NRG1: variants seen among roughly 807,000 people sequenced by gnomAD.
NRG1 encodes neuregulin 1.
In NRG1, 18 loss-of-function variants were observed where a neutral mutation model predicts 63.8. That is an observed-to-expected ratio of 0.28 (90% CI 0.19 to 0.42). The LOEUF (loss-of-function observed/expected upper bound fraction) is 0.42. NRG1 is among the 10% of genes least tolerant of loss of function. The pLI is 1.00. For missense variants in NRG1, 762 were observed against 814.7 expected (o/e 0.94, Z 0.79); for synonymous variants, 302 against 301.3 (o/e 1.00, Z -0.02).
chr8:32,089,283 C>A (rs1167536540), intron 1 of NRG1, among the ~76,000 whole-genome samples: 1 of 152,192 alleles, frequency 6.6e-6, no homozygotes. Context: ...TTGGCAATGG[C>A]AAGAGTAAAC....
At chr8:31,713,605 G>C (rs1035558476) in intron 1 of NRG1, among the ~76,000 whole-genome samples, 4 of 151,960 alleles carry the variant, frequency 2.6e-5, no homozygotes, top group African/African-American at 9.7e-5. Context: ...TCAGACCTTT[G>C]CCCTATTGAC....
At chr8:32,211,417 T>C (rs940124198) in intron 1 of NRG1, among the ~76,000 whole-genome samples, 4 of 152,218 alleles carry the variant, frequency 2.6e-5, no homozygotes, top group African/African-American at 9.6e-5. Flanking sequence ...TGACATGTGT[T>C]GGAATCTCAA....
At chr8:32,752,428 T>G (rs979131998) in intron 7 of NRG1, among the ~76,000 whole-genome samples, 4 of 152,184 alleles carry the variant, frequency 2.6e-5, no homozygotes, top group African/African-American at 9.7e-5. Flanking sequence ...ACAAAATCCG[T>G]GATACCAACT....
chr8:32,575,466 T>G (rs74732923), intron 1 of NRG1, among the ~76,000 whole-genome samples: 4,445 of 152,156 alleles, frequency 0.029, 92 homozygotes, highest in Middle Eastern at 0.065. Flanking sequence ...TAAAATTAAC[T>G]AAACTTTGTA....
intron 1 of NRG1, among the ~76,000 whole-genome samples, chr8:31,807,852 G>C (rs988694862): frequency 1.3e-5 from 2 of 152,028 alleles, no homozygotes; most frequent in African/African-American, 4.8e-5. Flanking sequence ...GTTTTTCTGT[G>C]ACTAACTTAT....
intron 1 of NRG1, among the ~76,000 whole-genome samples, chr8:31,928,068 C>T (rs1255557493): frequency 2.0e-5 from 3 of 149,908 alleles, no homozygotes; most frequent in Non-Finnish European, 4.4e-5. Flanking sequence ...ATGAAAGCTC[C>T]TTTTTAATGT....
chr8:31,972,336 C>T (rs1807429160), intron 1 of NRG1, among the ~76,000 whole-genome samples: 1 of 152,076 alleles, frequency 6.6e-6, no homozygotes, highest in Non-Finnish European at 1.5e-5. Flanking sequence ...AATGACTCAT[C>T]AAACAGCCTA....
At chr8:31,696,503 A>G (rs1810075547) in intron 1 of NRG1, among the ~76,000 whole-genome samples, 1 of 152,230 alleles carries the variant, frequency 6.6e-6, no homozygotes, top group Admixed American at 6.5e-5. Flanking sequence ...AAGTACTTCC[A>G]CAGTGCTCAC....
intron 1 of NRG1, among the ~76,000 whole-genome samples, chr8:32,108,352 C>G (rs1010549544): frequency 2.6e-5 from 4 of 152,170 alleles, no homozygotes; most frequent in African/African-American, 9.6e-5. Context: ...CAGGTTCCAT[C>G]ATCTGGTGAG....
intron 6 of NRG1, chr8:32,728,431 A>C: frequency 2.0e-6 from 2 of 985,282 alleles, no homozygotes; most frequent in Non-Finnish European, 2.4e-6. Flanking sequence ...TTCTACATCC[A>C]ATGTATGAAT....
intron 1 of NRG1, among the ~76,000 whole-genome samples, chr8:31,939,822 T>C (rs1004191296): frequency 6.6e-6 from 1 of 152,076 alleles, no homozygotes; most frequent in African/African-American, 2.4e-5. Flanking sequence ...AAGACAAATA[T>C]GTTCATTATA....
At chr8:31,713,015 A>ATCCATCCT (rs1554512606) in intron 1 of NRG1, among the ~76,000 whole-genome samples, 54 of 116,972 alleles carry the variant, frequency 4.6e-4, no homozygotes, top group Admixed American at 1.6e-3. Flanking sequence ...CCATCCATCC[A>ATCCATCCT]TCCATCCATC....
At chr8:32,560,606 C>T (rs1215623577) in intron 1 of NRG1, among the ~76,000 whole-genome samples, 1 of 152,176 alleles carries the variant, frequency 6.6e-6, no homozygotes, top group Non-Finnish European at 1.5e-5. Context: ...TGCAATTCAG[C>T]AGTATCAGTG....
At chr8:32,372,233 T>A (rs1370498472) in intron 1 of NRG1, among the ~76,000 whole-genome samples, 8 of 151,900 alleles carry the variant, frequency 5.3e-5, no homozygotes, top group Non-Finnish European at 8.8e-5. Flanking sequence ...AAACAAATCC[T>A]CTCTCCTCAG....
chr8:31,900,430 A>C (rs976659986), intron 1 of NRG1, among the ~76,000 whole-genome samples: 4 of 152,224 alleles, frequency 2.6e-5, no homozygotes. Flanking sequence ...CATTCTTAAA[A>C]TAATCTCCTA....
intron 1 of NRG1, among the ~76,000 whole-genome samples, chr8:32,202,779 C>T (rs1843623917): frequency 2.6e-5 from 4 of 151,300 alleles, no homozygotes. Context: ...CCTCTCTTCC[C>T]TCCTCTGCTG....
chr8:32,430,149 T>C (rs1354588259), intron 1 of NRG1, among the ~76,000 whole-genome samples: 3 of 152,198 alleles, frequency 2.0e-5, no homozygotes, highest in African/African-American at 2.4e-5. Context: ...GATTTTGTAA[T>C]GTAAGCTTGA....
At chr8:32,476,115 G>C (rs1306624279) in intron 1 of NRG1, among the ~76,000 whole-genome samples, 2 of 152,276 alleles carry the variant, frequency 1.3e-5, no homozygotes, top group Middle Eastern at 3.4e-3. Context: ...TAAGGTAAAT[G>C]AGAATTTATT....
chr8:32,518,798 G>C (rs920627468), intron 1 of NRG1, among the ~76,000 whole-genome samples: 38 of 152,074 alleles, frequency 2.5e-4, no homozygotes, highest in African/African-American at 8.9e-4. Flanking sequence ...ATAACAGTGG[G>C]GAAAAAAGTT....
Sources: gnomAD v4.1 joint callset for allele counts (sites outside exome capture counted in the v4.1 genomes callset) on GRCh38, gnomAD v4.1.1 for gene constraint, MANE v1.5 for transcripts, NCBI Gene and HGNC (gene_info 2026-07-23, HGNC 2026-07-21) for gene names.